Variants in UBR1 observed in about 807,000 individuals in gnomAD.
UBR1 encodes the protein ubiquitin protein ligase E3 component n-recognin 1.
In UBR1, 102 loss-of-function variants were observed where a neutral mutation model predicts 242.1. That is an observed-to-expected ratio of 0.42 (90% confidence interval 0.36 to 0.50). UBR1 has a LOEUF of 0.50. UBR1 is among the 20% of genes least tolerant of loss of function. The pLI, the probability that UBR1 is intolerant of heterozygous loss-of-function variation, is 0.01. For synonymous variants in UBR1, 675 were observed against 684.8 expected, an observed-to-expected ratio of 0.99 and a Z score of 0.22; for missense variants, 1,772 against 2,101.8, an observed-to-expected ratio of 0.84 and a Z score of 3.07.
chr15:43,074,129 A>T (rs768189364), intron 4 of UBR1, among the ~76,000 whole-genome samples: 1 of 152,230 alleles, frequency 6.6e-6, no homozygotes, highest in Non-Finnish European at 1.5e-5. Flanking sequence ...ATCTGATAAG[A>T]TAATCCATTT....
At chr15:43,002,735 A>G (rs1313786070) in intron 31 of UBR1, 31 bp from the exon 32 acceptor site, 4 of 1,613,894 alleles carry the variant, frequency 2.5e-6, no homozygotes, top group Non-Finnish European at 3.4e-6. Flanking sequence ...AGGCCCATTC[A>G]GAACTACACA....
At position 43,059,689 on chromosome 15, in the gene UBR1, G is replaced by A. The variant is rs2033659801; in HGVS notation, c.985+13C>T. 3.1e-6 allele frequency: 5 copies of A among 1,613,614 alleles called. No homozygotes were observed. Among genetic ancestry groups the A allele is most frequent in the Non-Finnish European group, 4.2e-6 (5 of 1,179,908 alleles). ...ATTTTATCAGAAACAAGAAAAACAG[G>A]AGGTATGCTTACTTGAATAGCTCAT... On this transcript the variant is annotated intron_variant, in intron 8 of 46. Transcript: ENST00000290650.
intron 1 of UBR1, among the ~76,000 whole-genome samples, chr15:43,095,190 A>T (rs920698986): frequency 2.6e-5 from 4 of 152,212 alleles, no homozygotes; most frequent in African/African-American, 9.7e-5. Flanking sequence ...TGATAAATTA[A>T]CAGACTTTCC....
intron 6 of UBR1, among the ~76,000 whole-genome samples, chr15:43,061,572 T>TAC (rs945148431): frequency 6.6e-6 from 1 of 151,986 alleles, no homozygotes; most frequent in African/African-American, 2.4e-5. Context: ...TATGTATATA[T>TAC]ACACACACAC....
At chr15:43,025,009 G>A (rs1259572106) in intron 24 of UBR1, 26 bp from the exon 25 acceptor site, 5 of 1,612,614 alleles carry the variant, frequency 3.1e-6, no homozygotes, top group Admixed American at 3.3e-5. Flanking sequence ...AATGGATGGG[G>A]AAAGAGACAA....
chr15:43,019,916 C>G (rs1349956708), intron 27 of UBR1, among the ~76,000 whole-genome samples: 1 of 150,510 alleles, frequency 6.6e-6, no homozygotes, highest in African/African-American at 2.4e-5. Context: ...TTTTATGTTT[C>G]TATGTGGAGG....
chr15:43,040,602 A>G (rs2033404536), intron 15 of UBR1, among the ~76,000 whole-genome samples: 1 of 152,216 alleles, frequency 6.6e-6, no homozygotes, highest in Non-Finnish European at 1.5e-5. Flanking sequence ...GACAAATGGG[A>G]TCCAATTAAA....
intron 29 of UBR1, among the ~76,000 whole-genome samples, chr15:43,009,020 G>A (rs1424588680): frequency 1.3e-5 from 2 of 152,204 alleles, no homozygotes; most frequent in Non-Finnish European, 2.9e-5. Context: ...ATTCTTCCTG[G>A]ATGCAGGACA....
chr15:43,029,446 A>G (rs2033224973), intron 21 of UBR1, among the ~76,000 whole-genome samples: 1 of 152,200 alleles, frequency 6.6e-6, no homozygotes, highest in Non-Finnish European at 1.5e-5. Flanking sequence ...AGGCAGAGAT[A>G]CTAACGCAGG....
At chr15:43,008,007 A>G (rs963547187) in intron 29 of UBR1, among the ~76,000 whole-genome samples, 3 of 152,248 alleles carry the variant, frequency 2.0e-5, no homozygotes, top group African/African-American at 7.2e-5. Context: ...GCGTACAATA[A>G]TATTTAAATA....
chr15:43,085,949 A>G (rs1253332192), intron 2 of UBR1, 35 bp downstream of exon 2: 2 of 1,573,400 alleles, frequency 1.3e-6, no homozygotes, highest in South Asian at 2.4e-5. Context: ...GGATTTTAAT[A>G]ATTATAATCA....
At chr15:43,068,423 G>A (rs2033782825) in intron 5 of UBR1, among the ~76,000 whole-genome samples, 1 of 151,952 alleles carries the variant, frequency 6.6e-6, no homozygotes, top group Non-Finnish European at 1.5e-5. Flanking sequence ...CTGAGCTCAA[G>A]CAATCCGCCT....
At chr15:43,022,210 A>C (rs1011009199) in intron 26 of UBR1, among the ~76,000 whole-genome samples, 1 of 152,168 alleles carries the variant, frequency 6.6e-6, no homozygotes, top group Non-Finnish European at 1.5e-5. Context: ...GAAAAAAACT[A>C]TCTTAATCAG....
At chr15:42,964,998 T>C (rs920689727) in intron 41 of UBR1, among the ~76,000 whole-genome samples, 2 of 152,200 alleles carry the variant, frequency 1.3e-5, no homozygotes, top group Admixed American at 1.3e-4. Flanking sequence ...TTGTTTATAA[T>C]TGGATTCCTC....
Position 42,966,281 on chromosome 15 carries a change from A to G in UBR1, c.4463T>C (p.Ile1488Thr), listed in dbSNP as rs747020243. 4 of 1,614,054 alleles carry G rather than the reference A, an allele frequency of 2.5e-6. No individual in the cohort carries two copies. In the East Asian group the frequency reaches 6.7e-5, roughly 27 times the overall value. The change falls in exon 41 of 47, where the codon ATT becomes ACT. Residue 1488 changes from isoleucine to threonine, a missense_variant. Transcript: ENST00000290650. Reference protein sequence around the residue: ...AEISQYTSGSIGCDIPGWYLW... With the variant: ...AEISQYTSGSTGCDIPGWYLW... Reference sequence around the variant, plus strand: ...ATACCAGCCAGGAATATCACACCCAATGGAGCTAGGAGACAATAATTCCAG... The same window carrying G: ...ATACCAGCCAGGAATATCACACCCAGTGGAGCTAGGAGACAATAATTCCAG...
chr15:43,083,315 AT>A (rs2033994746), intron 2 of UBR1, among the ~76,000 whole-genome samples: 1 of 152,238 alleles, frequency 6.6e-6, no homozygotes, highest in South Asian at 2.1e-4. Context: ...GCATTGTTTT[AT>A]TTAACATTTT....
intron 5 of UBR1, 97 bp downstream of exon 5, chr15:43,070,698 T>C (rs1348347181): frequency 4.5e-6 from 7 of 1,543,274 alleles, no homozygotes; most frequent in Admixed American, 1.7e-5. Context: ...TTCATAATGA[T>C]AATTAGGCAG....
intron 15 of UBR1, among the ~76,000 whole-genome samples, chr15:43,040,057 C>T (rs1160551444): frequency 6.6e-6 from 1 of 152,156 alleles, no homozygotes; most frequent in Non-Finnish European, 1.5e-5. Flanking sequence ...CCATCCCCAT[C>T]AAGCTACCAA....
At chr15:42,950,859 A>C (rs2031822715) in intron 45 of UBR1, among the ~76,000 whole-genome samples, 1 of 152,210 alleles carries the variant, frequency 6.6e-6, no homozygotes, top group African/African-American at 2.4e-5. Context: ...TACCACCCTG[A>C]AGGCACCTGG....
Sources: allele counts gnomAD v4.1 joint callset (sites outside exome capture counted in the v4.1 genomes callset), GRCh38; gene constraint gnomAD v4.1.1; transcripts MANE v1.5; gene names NCBI Gene and HGNC (gene_info 2026-07-23, HGNC 2026-07-21).